ABHD6: variants seen among roughly 807,000 people sequenced by gnomAD.
ABHD6 encodes monoacylglycerol lipase ABHD6.
A neutral mutation model predicts 38.8 loss-of-function variants in ABHD6; 33 were observed. The observed-to-expected ratio is 0.85, with a 90% CI of 0.64 to 1.14. The LOEUF is 1.14. ABHD6 is among the 50% of genes most tolerant of loss of function. ABHD6 has a pLI of 0.00. For synonymous variants in ABHD6, 147 were observed against 161.6 expected, an observed-to-expected ratio of 0.91 and a Z score of 0.69; for missense variants, 380 against 422.6, an observed-to-expected ratio of 0.90 and a Z score of 0.88.
At chr3:58,264,014 A>T (rs2097439004) in intron 3 of ABHD6, among the ~76,000 whole-genome samples, 1 of 152,108 alleles carries the variant, frequency 6.6e-6, no homozygotes, top group Non-Finnish European at 1.5e-5. Context: ...ATTTAAAAAA[A>T]TTGGGTCCTG....
chr3:58,285,505 G>A lies in ABHD6; in HGVS notation c.837+52G>A. Reference sequence around the variant, plus strand: ...TGTGCTGGTCACCAGGGCCTCTGAGGAAAAACGTCCTTGAGGAAGAACAAG... The same window carrying A: ...TGTGCTGGTCACCAGGGCCTCTGAGAAAAAACGTCCTTGAGGAAGAACAAG... On this transcript the variant is annotated intron_variant, in intron 9 of 9. Transcript: ENST00000478253. This position sits in a 1 kb window ranked among gnomAD's most constrained non-coding sequence, Gnocchi z 4.9. 1 of 1,473,034 alleles carries A rather than the reference G, an allele frequency of 6.8e-7. No homozygotes were observed. The highest frequency in any genetic ancestry group is 9.5e-7 in the Non-Finnish European group (1 of 1,052,456). 91.2% of individuals were successfully genotyped at this position (1,473,034 alleles called of 1,614,324 possible).
In ABHD6 at chr3:58,285,729, C is replaced by A. The variant is rs977091286; in HGVS notation, c.837+276C>A. On this transcript the variant is annotated intron_variant, in intron 9 of 9. Coordinates refer to ENST00000478253, the MANE Select transcript of ABHD6 (RefSeq NM_001320126.2). The surrounding 1 kb of genome is among the most constrained non-coding windows in gnomAD (Gnocchi z 4.9). ...ATGTAGTCACATGGTATAAAAAGAT[C>A]TTCAAAGAACACCAAAAGGTTTATA... Among the ~76,000 whole-genome samples, 6 of 152,218 alleles carry A rather than the reference C, an allele frequency of 3.9e-5. No individual in the cohort carries two copies. The highest frequency in any genetic ancestry group is 9.6e-5 in the African/African-American group (4 of 41,460).
chr3:58,247,325 G>A (rs1215046227), intron 1 of ABHD6, among the ~76,000 whole-genome samples: 3 of 151,854 alleles, frequency 2.0e-5, no homozygotes, highest in Non-Finnish European at 2.9e-5. Context: ...TGTAGAGTCC[G>A]GGACTGGCCA....
Position 58,258,075 on chromosome 3 carries a change from A to G in ABHD6, c.119+1370A>G, listed in dbSNP as rs561127134. Among the ~76,000 whole-genome samples, 10 of 152,318 alleles carry G rather than the reference A, an allele frequency of 6.6e-5. No homozygotes were observed. In the South Asian group the frequency reaches 2.1e-3, roughly 32 times the overall value. Reference sequence around the variant, plus strand: ...GTAATCCCAGCATTTTGGGAGGCCGAGGCAGGCAGATCACCTGAGATCGGG... The same window carrying G: ...GTAATCCCAGCATTTTGGGAGGCCGGGGCAGGCAGATCACCTGAGATCGGG... On this transcript the variant is annotated intron_variant, in intron 3 of 9. Coordinates refer to ENST00000478253, the MANE Select transcript of ABHD6 (RefSeq NM_001320126.2).
In ABHD6 at chr3:58,293,655, G is replaced by A; in HGVS notation, c.904G>A (p.Glu302Lys). ...TGCCAACTGCCAGGTGGAGCTTCTG[G>A]AAAACTGTGGGCACTCAGTAGTGAT... ...SIANCQVELL[E>K]NCGHSVVMER... Residue 302 changes from glutamate (E) to lysine (K), a missense_variant, in exon 10 of 10, where the codon GAA becomes AAA. Coordinates refer to ENST00000478253, the MANE Select transcript of ABHD6 (RefSeq NM_001320126.2). This position sits in a 1 kb window ranked among gnomAD's most constrained non-coding sequence, Gnocchi z 4.4. The A allele has an allele frequency of 1.2e-6, 2 of 1,614,204 alleles. No homozygotes were observed. Among genetic ancestry groups the A allele is most frequent in the Non-Finnish European group, 1.7e-6 (2 of 1,180,040 alleles).
At chr3:58,240,673 T>C (rs2097422147) in intron 1 of ABHD6, among the ~76,000 whole-genome samples, 1 of 151,854 alleles carries the variant, frequency 6.6e-6, no homozygotes, top group Admixed American at 6.6e-5. Flanking sequence ...CAAGCAATCC[T>C]GCTACCTCAG....
At chr3:58,275,298 G>GA (rs1301286794) in intron 7 of ABHD6, among the ~76,000 whole-genome samples, 91 of 132,572 alleles carry the variant, frequency 6.9e-4, no homozygotes, top group Middle Eastern at 3.9e-3. Context: ...ATACTCAATT[G>GA]AAAAAAAAAA....
At chr3:58,264,140 T>C (rs2097439072) in intron 3 of ABHD6, among the ~76,000 whole-genome samples, 1 of 152,208 alleles carries the variant, frequency 6.6e-6, no homozygotes, top group African/African-American at 2.4e-5. Context: ...GTAGTTTATC[T>C]AATATATTTC....
intron 1 of ABHD6, among the ~76,000 whole-genome samples, chr3:58,242,775 G>A (rs1183436719): frequency 6.6e-6 from 1 of 152,152 alleles, no homozygotes; most frequent in East Asian, 1.9e-4. Context: ...ACAACGTGCA[G>A]GTTTGTTACA....
chr3:58,264,114 A>G (rs756372622), intron 3 of ABHD6, among the ~76,000 whole-genome samples: 1 of 152,212 alleles, frequency 6.6e-6, no homozygotes, highest in Non-Finnish European at 1.5e-5. Flanking sequence ...AAAATAAGAC[A>G]TCACCTAGCT....
intron 9 of ABHD6, among the ~76,000 whole-genome samples, chr3:58,286,840 G>GTATATATATATATATA (rs1261741081): frequency 5.5e-5 from 2 of 36,414 alleles, no homozygotes; most frequent in South Asian, 1.6e-3. Context: ...GTGTGTGTGT[G>GTATATATATATATATA]TGTGTGTGTG....
chr3:58,254,875 C>T (rs2097432269), intron 2 of ABHD6, among the ~76,000 whole-genome samples: 1 of 151,130 alleles, frequency 6.6e-6, no homozygotes, highest in African/African-American at 2.4e-5. Context: ...CACACACACA[C>T]ACACACACAT....
At chr3:58,277,252 G>A (rs1267482979) in intron 7 of ABHD6, among the ~76,000 whole-genome samples, 2 of 152,226 alleles carry the variant, frequency 1.3e-5, no homozygotes, top group Admixed American at 6.5e-5. Flanking sequence ...CATGAGCATG[G>A]AATGTTGTTC....
chr3:58,286,379 C>G (rs1375109410), intron 9 of ABHD6, among the ~76,000 whole-genome samples: 2 of 151,986 alleles, frequency 1.3e-5, no homozygotes, highest in Non-Finnish European at 2.9e-5. Context: ...TGGTCTTGAG[C>G]TCCTGACTTC....
chr3:58,263,390 CAAAAAAAAAAA>C lies in ABHD6; in HGVS notation c.120-3794_120-3784del, dbSNP rs577703142. ...AGGCAACGAGAGTGAAACTCCATCTCAAAAAAAAAAAAAAAGAAAAAATATTAGTTTTCCAG... is the reference window on the plus strand; with the variant it reads ...AGGCAACGAGAGTGAAACTCCATCTCAAAAGAAAAAATATTAGTTTTCCAG... On this transcript the variant is annotated intron_variant, in intron 3 of 9. Coordinates refer to ENST00000478253, the MANE Select transcript of ABHD6 (RefSeq NM_001320126.2). The surrounding 1 kb of genome is among the most constrained non-coding windows in gnomAD (Gnocchi z 4.9). Among the ~76,000 whole-genome samples, 1 of 85,076 alleles carries C rather than the reference CAAAAAAAAAAA, an allele frequency of 1.2e-5. No individual in the cohort carries two copies. The highest frequency in any genetic ancestry group is 4.4e-5 in the African/African-American group (1 of 22,718). The allele number at this position is 85,076 out of a possible 152,430, so 55.8% of individuals were successfully genotyped here. A position where few individuals can be genotyped will look rare whatever the true frequency, so the allele number is the denominator to read the frequency against.
In ABHD6 at chr3:58,256,096, C is replaced by CACACAG. The variant is rs1553718604; in HGVS notation, c.-25-461_-25-460insGACACA. On this transcript the variant is annotated intron_variant, in intron 2 of 9. Coordinates refer to ENST00000478253, the MANE Select transcript of ABHD6 (RefSeq NM_001320126.2). This position sits in a 1 kb window ranked among gnomAD's most constrained non-coding sequence, Gnocchi z 4.3. ...CCACCAACACACACACACACACACACACACACACACACATACACACACTAC... is the reference window on the plus strand; with the variant it reads ...CCACCAACACACACACACACACACACACACAGACACACACACACATACACACACTAC... Among the ~76,000 whole-genome samples the CACACAG allele has an allele frequency of 3.2e-3, 475 of 147,518 alleles. 1 individual carries two copies. The highest frequency in any genetic ancestry group is 3.4e-3 in the Middle Eastern group (1 of 290).
At chr3:58,240,428 C>G (rs958460246) in intron 1 of ABHD6, among the ~76,000 whole-genome samples, 12 of 151,474 alleles carry the variant, frequency 7.9e-5, no homozygotes, top group African/African-American at 2.9e-4. Flanking sequence ...GTGATTAGAT[C>G]AATTATTACC....
At chr3:58,288,266 CCTT>C (rs1293361214) in intron 9 of ABHD6, among the ~76,000 whole-genome samples, 1 of 152,198 alleles carries the variant, frequency 6.6e-6, no homozygotes, top group Non-Finnish European at 1.5e-5. Context: ...AATTCAGCTT[CCTT>C]CTTCTTTGGA....
chr3:58,254,834 A>G (rs2097432182), intron 2 of ABHD6, among the ~76,000 whole-genome samples: 1 of 136,674 alleles, frequency 7.3e-6, no homozygotes, highest in South Asian at 2.3e-4. Flanking sequence ...ATGTGTGTAT[A>G]TACATATATA....
Sources: allele counts gnomAD v4.1 joint callset (sites outside exome capture counted in the v4.1 genomes callset), GRCh38; gene constraint gnomAD v4.1.1; non-coding constraint Gnocchi (gnomAD v3.1); transcripts MANE v1.5; gene names NCBI Gene and HGNC (gene_info 2026-07-23, HGNC 2026-07-21).